The following PKP4 variants were observed in gnomAD, a reference collection of about 807,000 sequenced individuals.
The protein encoded by PKP4 is plakophilin-4.
PKP4 carries 90 observed loss-of-function variants against 145.1 expected under a neutral mutation model. The ratio of observed to expected loss-of-function variants is 0.62; its 90% CI spans 0.52 to 0.74. The LOEUF is 0.74. Among genes scored for constraint, PKP4 ranks in the 30% least tolerant of loss-of-function variants. The pLI, the probability that PKP4 is intolerant of heterozygous loss-of-function variation, is 0.00. For missense variants in PKP4, 1,340 were observed against 1,482.7 expected, an observed-to-expected ratio of 0.90 and a Z score of 1.58; for synonymous variants, 563 against 577.2, an observed-to-expected ratio of 0.98 and a Z score of 0.35.
chr2:158,536,046 G>GATTGTCATCATCATTTCTGC lies in PKP4; in HGVS notation c.132+2733_132+2752dup. On this transcript the variant is annotated intron_variant, in intron 2 of 21. Transcript: ENST00000389759. ...GGCACTTAGTAAGGGCTAACATTACGATTGTCATCATCATTTCTGCATAAG... is the reference window on the plus strand; with the variant it reads ...GGCACTTAGTAAGGGCTAACATTACGATTGTCATCATCATTTCTGCATTGTCATCATCATTTCTGCATAAG... Among the ~76,000 whole-genome samples the GATTGTCATCATCATTTCTGC allele has an allele frequency of 2.6e-5, 4 of 152,262 alleles. No individual in the cohort carries two copies. The South Asian group carries it at 8.3e-4, about 32-fold the overall frequency.
intron 17 of PKP4, among the ~76,000 whole-genome samples, chr2:158,672,066 C>A (rs553247309): frequency 6.6e-6 from 1 of 152,264 alleles, no homozygotes; most frequent in Non-Finnish European, 1.5e-5. Context: ...AGGAGGCCCA[C>A]CCCAGCGTGG....
chr2:158,484,040 T>C (rs1021443218), intron 1 of PKP4, among the ~76,000 whole-genome samples: 3 of 146,268 alleles, frequency 2.1e-5, no homozygotes, highest in African/African-American at 7.5e-5. Context: ...TTCTTTTTTT[T>C]TTTTTTTTTT....
At chr2:158,596,050 A>C (rs888223873) in intron 3 of PKP4, among the ~76,000 whole-genome samples, 1 of 151,264 alleles carries the variant, frequency 6.6e-6, no homozygotes, top group African/African-American at 2.4e-5. Flanking sequence ...TAACTTAGAA[A>C]TAGACCTTGG....
chr2:158,511,522 G>A (rs1424371342), intron 1 of PKP4, among the ~76,000 whole-genome samples: 2 of 152,032 alleles, frequency 1.3e-5, no homozygotes, highest in Non-Finnish European at 2.9e-5. Flanking sequence ...CTATCCTTTG[G>A]AAGAAATTAG....
chr2:158,559,712 G>T (rs1276072161), intron 2 of PKP4, among the ~76,000 whole-genome samples: 9 of 151,960 alleles, frequency 5.9e-5, no homozygotes, highest in Admixed American at 3.3e-4. Flanking sequence ...CAAGGGCAGA[G>T]TTTTTTTTGT....
At chr2:158,545,487 T>C (rs1046604010) in intron 2 of PKP4, among the ~76,000 whole-genome samples, 1 of 152,220 alleles carries the variant, frequency 6.6e-6, no homozygotes, top group Non-Finnish European at 1.5e-5. Flanking sequence ...CTAATACTTT[T>C]GATAGAGCAT....
intron 1 of PKP4, among the ~76,000 whole-genome samples, chr2:158,488,081 A>G (rs1318492088): frequency 6.6e-6 from 1 of 152,150 alleles, no homozygotes; most frequent in Admixed American, 6.5e-5. Flanking sequence ...TATATCCACA[A>G]ATTTATTACT....
Position 158,658,122 on chromosome 2 carries a change from C to A in PKP4, c.1910-9C>A, listed in dbSNP as rs1558965070. 4 of 1,528,456 alleles carry A rather than the reference C, an allele frequency of 2.6e-6. No individual in the cohort carries two copies. In the African/African-American group the frequency reaches 4.1e-5, roughly 16 times the overall value. The allele number at this position is 1,528,456 out of a possible 1,614,324, so 94.7% of individuals were successfully genotyped here. On this transcript the variant is annotated splice_polypyrimidine_tract_variant and intron_variant, in intron 11 of 21. Coordinates refer to ENST00000389759, the MANE Select transcript of PKP4 (RefSeq NM_003628.6). ...CTATTTGTTTGATTTTTTAAATCTCCTTTTTTAGGAGTTCTTTGGAATTTA... is the reference window on the plus strand; with the variant it reads ...CTATTTGTTTGATTTTTTAAATCTCATTTTTTAGGAGTTCTTTGGAATTTA...
At chr2:158,529,274 C>G (rs771039727) in intron 1 of PKP4, among the ~76,000 whole-genome samples, 1 of 152,194 alleles carries the variant, frequency 6.6e-6, no homozygotes, top group Non-Finnish European at 1.5e-5. Flanking sequence ...TAGTCTGGCT[C>G]TTGGGATTAT....
chr2:158,458,748 T>G (rs2105366688), intron 1 of PKP4, among the ~76,000 whole-genome samples: 1 of 152,238 alleles, frequency 6.6e-6, no homozygotes, highest in African/African-American at 2.4e-5. Flanking sequence ...GTATAATACA[T>G]AATGAATAGA....
At chr2:158,481,222 C>T (rs1693306621) in intron 1 of PKP4, among the ~76,000 whole-genome samples, 1 of 152,132 alleles carries the variant, frequency 6.6e-6, no homozygotes, top group South Asian at 2.1e-4. Context: ...CCACACCTGG[C>T]CTCATTTCTT....
intron 2 of PKP4, among the ~76,000 whole-genome samples, chr2:158,574,559 C>T (rs2047682709): frequency 6.6e-6 from 1 of 152,208 alleles, no homozygotes; most frequent in South Asian, 2.1e-4. Flanking sequence ...ACTCATACAT[C>T]TTGGTGCCAT....
At chr2:158,582,224 T>C (rs187770734) in intron 3 of PKP4, among the ~76,000 whole-genome samples, 199 of 152,368 alleles carry the variant, frequency 1.3e-3, no homozygotes, top group African/African-American at 4.7e-3. Flanking sequence ...AAAGAAGTTA[T>C]GGTTTGTCTG....
chr2:158,492,621 A>G (rs887591665), intron 1 of PKP4, among the ~76,000 whole-genome samples: 1 of 152,116 alleles, frequency 6.6e-6, no homozygotes, highest in African/African-American at 2.4e-5. Context: ...TCAACACTTG[A>G]CAACCCACTC....
chr2:158,664,044 C>T (rs1439629398), intron 15 of PKP4, among the ~76,000 whole-genome samples: 1 of 152,174 alleles, frequency 6.6e-6, no homozygotes, highest in African/African-American at 2.4e-5. Context: ...TGAATCCTAA[C>T]CTACACACAG....
intron 4 of PKP4, among the ~76,000 whole-genome samples, chr2:158,607,563 G>C (rs1311072368): frequency 6.6e-6 from 1 of 152,142 alleles, no homozygotes; most frequent in African/African-American, 2.4e-5. Context: ...TAGAGCTGGA[G>C]CAGTGGGAGG....
intron 1 of PKP4, among the ~76,000 whole-genome samples, chr2:158,475,508 A>G (rs1261546312): frequency 6.6e-6 from 1 of 152,212 alleles, no homozygotes; most frequent in African/African-American, 2.4e-5. Context: ...CTCTGTCCAC[A>G]TCCTGTGGCA....
intron 20 of PKP4, among the ~76,000 whole-genome samples, chr2:158,678,094 G>C (rs2058167021): frequency 6.6e-6 from 1 of 152,072 alleles, no homozygotes; most frequent in South Asian, 2.1e-4. Flanking sequence ...CTCCATTGTT[G>C]CTCCTTCCTT....
intron 4 of PKP4, among the ~76,000 whole-genome samples, chr2:158,606,818 A>G (rs1459350471): frequency 6.6e-6 from 1 of 152,236 alleles, no homozygotes; most frequent in African/African-American, 2.4e-5. Flanking sequence ...TAAAGCAAAC[A>G]TCCTTGCCCT....
Sources: gnomAD v4.1 joint callset for allele counts (sites outside exome capture counted in the v4.1 genomes callset) on GRCh38, gnomAD v4.1.1 for gene constraint, MANE v1.5 for transcripts, NCBI Gene and HGNC (gene_info 2026-07-23, HGNC 2026-07-21) for gene names.